Variants in TSNARE1 observed in about 807,000 individuals in gnomAD.
TSNARE1 encodes t-SNARE domain containing 1.
TSNARE1 carries 49 observed loss-of-function variants against 62.0 expected under a neutral mutation model. That is an observed-to-expected ratio of 0.79 (90% CI 0.63 to 1.00). The LOEUF (loss-of-function observed/expected upper bound fraction) is 1.00. TSNARE1 is among the 50% of genes least tolerant of loss of function. The pLI is 0.00. For missense variants in TSNARE1, 755 were observed against 700.1 expected, an observed-to-expected ratio of 1.08 and a Z score of -0.88; for synonymous variants, 328 against 294.4, an observed-to-expected ratio of 1.11 and a Z score of -1.17.
chr8:142,366,901 A>G (rs374146579), intron 1 of TSNARE1, among the ~76,000 whole-genome samples: 2 of 152,352 alleles, frequency 1.3e-5, no homozygotes, highest in East Asian at 3.9e-4. Flanking sequence ...TTAAAATCTG[A>G]ACAATAAAAG....
At chr8:142,254,284 G>C (rs1207717809) in intron 12 of TSNARE1, among the ~76,000 whole-genome samples, 1 of 152,170 alleles carries the variant, frequency 6.6e-6, no homozygotes, top group Non-Finnish European at 1.5e-5. Flanking sequence ...GTGCCCCGTG[G>C]GGCCATGCTT....
intron 1 of TSNARE1, among the ~76,000 whole-genome samples, chr8:142,381,849 G>T (rs529633611): frequency 1.1e-3 from 173 of 152,298 alleles, no homozygotes; most frequent in African/African-American, 4.0e-3. Flanking sequence ...CTTGGCATTG[G>T]GAACAGGCAG....
At chr8:142,222,642 A>G in intron 13 of TSNARE1, among the ~76,000 whole-genome samples, 1 of 146,204 alleles carries the variant, frequency 6.8e-6, no homozygotes, top group Admixed American at 6.8e-5. Context: ...TCACTCATTC[A>G]CTTACTCATC....
chr8:142,379,954 C>T (rs1836613306), intron 1 of TSNARE1, among the ~76,000 whole-genome samples: 2 of 149,810 alleles, frequency 1.3e-5, no homozygotes, highest in African/African-American at 4.8e-5. Context: ...GAAGGGCCTT[C>T]TTGTGCCGCT....
chr8:142,386,648 G>C (rs930260317), intron 1 of TSNARE1, among the ~76,000 whole-genome samples: 7 of 152,070 alleles, frequency 4.6e-5, no homozygotes, highest in African/African-American at 1.7e-4. Flanking sequence ...TTTTGTAATG[G>C]GCAAAGGTAT....
intron 12 of TSNARE1, among the ~76,000 whole-genome samples, chr8:142,267,872 T>G (rs976212250): frequency 1.3e-5 from 2 of 152,232 alleles, no homozygotes; most frequent in African/African-American, 4.8e-5. Context: ...CCATCTGGGA[T>G]AGGTCGGCAA....
At position 142,318,641 on chromosome 8, in the gene TSNARE1, G is replaced by T. The variant is rs752613346; in HGVS notation, c.894-7C>A. ...CTCCTGCTGTGCCGTGTGCCTGGGG[G>T]CCGAGAAGGAGCCAGGAGCGAAGGC... On this transcript the variant is annotated splice_polypyrimidine_tract_variant and splice_region_variant and intron_variant, in intron 6 of 13. Coordinates refer to ENST00000524325, the MANE Select transcript of TSNARE1 (RefSeq NM_145003.5). The T allele has an allele frequency of 3.1e-6, 5 of 1,613,396 alleles. No homozygotes were observed. The African/African-American group carries it at 5.3e-5, about 17-fold the overall frequency.
At chr8:142,287,563 C>G (rs1328177837) in intron 10 of TSNARE1, among the ~76,000 whole-genome samples, 6 of 140,410 alleles carry the variant, frequency 4.3e-5, no homozygotes, top group African/African-American at 1.4e-4. Flanking sequence ...GGATGTGGAA[C>G]CCAGGACCCC....
intron 9 of TSNARE1, among the ~76,000 whole-genome samples, chr8:142,313,918 A>C (rs1828078690): frequency 1.3e-5 from 2 of 152,188 alleles, no homozygotes. Context: ...AGCTGGGATG[A>C]CAGGTGCTCG....
intron 1 of TSNARE1, among the ~76,000 whole-genome samples, chr8:142,398,419 A>C (rs1171111575): frequency 6.6e-6 from 1 of 151,238 alleles, no homozygotes; most frequent in Non-Finnish European, 1.5e-5. Flanking sequence ...AACCCTCCCA[A>C]AGCACATCCC....
At chr8:142,251,323 C>A in intron 12 of TSNARE1, among the ~76,000 whole-genome samples, 1 of 117,050 alleles carries the variant, frequency 8.5e-6, no homozygotes, top group African/African-American at 3.2e-5. Context: ...GGGCTGAGAA[C>A]CCCGCCCCCC....
At chr8:142,275,689 A>G (rs1820358529) in intron 11 of TSNARE1, 1 of 985,478 alleles carries the variant, frequency 1.0e-6, no homozygotes, top group Non-Finnish European at 1.2e-6. Context: ...CCTGCCTCCA[A>G]TCAGGCAACT....
At chr8:142,225,310 C>T (rs551455567) in intron 13 of TSNARE1, among the ~76,000 whole-genome samples, 3 of 152,284 alleles carry the variant, frequency 2.0e-5, no homozygotes, top group African/African-American at 4.8e-5. Flanking sequence ...TGCCTAACCA[C>T]CTTCTCTGCT....
intron 1 of TSNARE1, among the ~76,000 whole-genome samples, chr8:142,370,478 G>A (rs1835845419): frequency 6.6e-6 from 1 of 152,104 alleles, no homozygotes; most frequent in South Asian, 2.1e-4. Context: ...AGGCTGAGGT[G>A]GGAGGATCAC....
intron 1 of TSNARE1, among the ~76,000 whole-genome samples, chr8:142,379,127 CAT>C (rs367788754): frequency 1.8e-4 from 27 of 152,256 alleles, no homozygotes; most frequent in African/African-American, 5.8e-4. Flanking sequence ...GCAGCTCACA[CAT>C]GTCCTCCCAC....
chr8:142,315,210 G>A (rs1018423862), intron 7 of TSNARE1, 118 bp from the exon 8 acceptor site: 24 of 972,774 alleles, frequency 2.5e-5, no homozygotes, highest in African/African-American at 1.1e-4. Flanking sequence ...AATGGGGCTC[G>A]CCATCAACTA....
chr8:142,244,417 GAAAGATATAT>G lies in TSNARE1; in HGVS notation c.1447-14848_1447-14839del, dbSNP rs923836319. On this transcript the variant is annotated intron_variant, in intron 12 of 13. Transcript: ENST00000524325. ...ATATGTTTAGGAATAAGTCAAAAAA[GAAAGATATAT>G]AAAGAAAATCATCACTTACATGTAT... Among the ~76,000 whole-genome samples the G allele has an allele frequency of 2.2e-5, 3 of 136,394 alleles. No homozygotes were observed. The Admixed American group carries it at 2.4e-4, about 11-fold the overall frequency. 89.5% of individuals were successfully genotyped at this position (136,394 alleles called of 152,430 possible).
chr8:142,300,988 C>A (rs1825656069), intron 9 of TSNARE1, among the ~76,000 whole-genome samples: 1 of 81,368 alleles, frequency 1.2e-5, no homozygotes, highest in African/African-American at 5.2e-5. Flanking sequence ...GCGGCCGCCC[C>A]CTCCAGGTGC....
chr8:142,222,994 T>A (rs796932618), intron 13 of TSNARE1, among the ~76,000 whole-genome samples: 96 of 34,674 alleles, frequency 2.8e-3, no homozygotes, highest in Middle Eastern at 0.015. Context: ...TCACTCACTC[T>A]CTCATTCACT....
Sources: gnomAD v4.1 joint callset for allele counts (sites outside exome capture counted in the v4.1 genomes callset) on GRCh38, gnomAD v4.1.1 for gene constraint, MANE v1.5 for transcripts, NCBI Gene and HGNC (gene_info 2026-07-23, HGNC 2026-07-21) for gene names.